Variants in SCFD2 observed in about 807,000 individuals in gnomAD.
The protein encoded by SCFD2 is sec1 family domain containing 2.
Under a neutral mutation model 58.9 loss-of-function variants are expected in SCFD2, and 54 were observed. The ratio of observed to expected loss-of-function variants is 0.92; its 90% CI spans 0.74 to 1.15. SCFD2 has a LOEUF of 1.15. Among genes scored for constraint, SCFD2 ranks in the 50% most tolerant of loss-of-function variants. The pLI is 0.00. For missense variants in SCFD2, 805 were observed against 836.6 expected, an observed-to-expected ratio of 0.96 and a Z score of 0.47; for synonymous variants, 321 against 335.9, an observed-to-expected ratio of 0.96 and a Z score of 0.49.
chr4:53,332,083 G>T (rs563857010), intron 2 of SCFD2, among the ~76,000 whole-genome samples: 7 of 152,086 alleles, frequency 4.6e-5, no homozygotes, highest in East Asian at 3.9e-4. Flanking sequence ...AATAACCGGA[G>T]CTGAAATTGT....
intron 7 of SCFD2, among the ~76,000 whole-genome samples, chr4:52,892,186 T>C (rs1231765023): frequency 6.6e-6 from 1 of 152,208 alleles, no homozygotes; most frequent in Admixed American, 6.5e-5. Context: ...CACTCCAAAC[T>C]AAGCAAATGG....
intron 5 of SCFD2, chr4:52,957,276 C>T (rs1720733963): frequency 6.6e-6 from 1 of 152,130 alleles, no homozygotes; most frequent in East Asian, 1.9e-4. Flanking sequence ...TGGGTGTGTG[C>T]TTCTATTTAA....
chr4:52,895,932 ATG>A lies in SCFD2; in HGVS notation c.1843-10068_1843-10067del, dbSNP rs749677304. Among the ~76,000 whole-genome samples the A allele has an allele frequency of 8.8e-4, 134 of 152,188 alleles. No homozygotes were observed. In the Middle Eastern group the frequency reaches 0.017, roughly 19 times the overall value. On this transcript the variant is annotated intron_variant, in intron 7 of 8. Coordinates refer to ENST00000401642, the MANE Select transcript of SCFD2 (RefSeq NM_152540.4). ...GGCCAGTGGTGATGAGCATTTTTTC[ATG>A]TGTTTTTTGGCTGCATAAATGTCTT... is the stretch of plus-strand genomic sequence containing the variant.
chr4:53,058,193 C>A (rs371194289), intron 5 of SCFD2, among the ~76,000 whole-genome samples: 132 of 151,998 alleles, frequency 8.7e-4, no homozygotes, highest in Middle Eastern at 6.8e-3. Context: ...TTATTATGTG[C>A]TACTATTATA....
intron 4 of SCFD2, among the ~76,000 whole-genome samples, chr4:53,208,475 A>G (rs4588514): frequency 0.54 from 82,068 of 152,026 alleles, 22,450 homozygotes; most frequent in Middle Eastern, 0.62. Context: ...CAATGTTATT[A>G]TAGTTTCTCC....
chr4:52,885,671 C>T, intron 8 of SCFD2, 76 bp downstream of exon 8: 1 of 1,561,154 alleles, frequency 6.4e-7, no homozygotes, highest in South Asian at 1.1e-5. Flanking sequence ...CACTGGGACC[C>T]ATAGGTGGAG....
intron 5 of SCFD2, among the ~76,000 whole-genome samples, chr4:53,085,417 C>T (rs111821892): frequency 1.8e-4 from 28 of 152,186 alleles, no homozygotes; most frequent in African/African-American, 6.3e-4. Flanking sequence ...ATTTCCTGTT[C>T]GTGGACTAGA....
In SCFD2 at chr4:52,897,789, CT is replaced by C. The variant is rs549894257; in HGVS notation, c.1842+9667del. 3.9e-5 allele frequency among the ~76,000 whole-genome samples: 6 copies of C among 152,216 alleles called. No homozygotes were observed. The East Asian group carries it at 1.2e-3, about 29-fold the overall frequency. ...AACTGCGAATCCATCTGGTCCTGGA[CT>C]TTTTTTGGTTGGTAAGCTATTAATT... On this transcript the variant is annotated intron_variant, in intron 7 of 8. Coordinates refer to ENST00000401642, the MANE Select transcript of SCFD2 (RefSeq NM_152540.4).
intron 5 of SCFD2, among the ~76,000 whole-genome samples, chr4:53,071,075 ACTCCCTC>A (rs1173817847): frequency 6.6e-6 from 1 of 151,818 alleles, no homozygotes; most frequent in Non-Finnish European, 1.5e-5. Flanking sequence ...GCCTTCTTTC[ACTCCCTC>A]CTCCACTTCA....
intron 5 of SCFD2, among the ~76,000 whole-genome samples, chr4:53,032,499 T>C (rs1377593305): frequency 6.6e-6 from 1 of 152,026 alleles, no homozygotes; most frequent in Non-Finnish European, 1.5e-5. Context: ...GACTAGCAAA[T>C]TGGATAAAGA....
intron 5 of SCFD2, among the ~76,000 whole-genome samples, chr4:52,923,189 A>G (rs1397295072): frequency 6.6e-6 from 1 of 152,152 alleles, no homozygotes; most frequent in African/African-American, 2.4e-5. Flanking sequence ...CCATGAAAAA[A>G]AATCAGGCTG....
At chr4:53,072,668 C>T (rs773535901) in intron 5 of SCFD2, among the ~76,000 whole-genome samples, 35 of 152,112 alleles carry the variant, frequency 2.3e-4, no homozygotes, top group Non-Finnish European at 5.1e-4. Context: ...ACACCTGGTC[C>T]AACCAATCTT....
intron 2 of SCFD2, among the ~76,000 whole-genome samples, chr4:53,332,952 T>C (rs1157809824): frequency 1.3e-5 from 2 of 151,156 alleles, no homozygotes; most frequent in African/African-American, 4.9e-5. Flanking sequence ...TATACACCAA[T>C]AACAGACAAA....
At chr4:53,062,942 C>T (rs545848247) in intron 5 of SCFD2, among the ~76,000 whole-genome samples, 7 of 152,068 alleles carry the variant, frequency 4.6e-5, no homozygotes, top group African/African-American at 1.7e-4. Context: ...AGGTGCACAG[C>T]GATACAAAAA....
rs188580261 is a variant in SCFD2 at position 52,873,713 on chromosome 4, C to T, written c.*256G>A. On this transcript the variant is annotated 3_prime_UTR_variant, in exon 9 of 9. Coordinates refer to ENST00000401642, the MANE Select transcript of SCFD2 (RefSeq NM_152540.4). ...ACAGAGGGTTAAGGATAAATGGAAA[C>T]GATCACTAATTGGACTCGCCAAAAG... is the stretch of plus-strand genomic sequence containing the variant. 4 of 294,492 alleles carry T rather than the reference C, an allele frequency of 1.4e-5. No individual in the cohort carries two copies. Among genetic ancestry groups the T allele is most frequent in the East Asian group, 1.3e-4 (2 of 15,808 alleles). The allele number at this position is 294,492 out of a possible 1,614,324, so 18.2% of individuals were successfully genotyped here. A position where few individuals can be genotyped will look rare whatever the true frequency, so the allele number is the denominator to read the frequency against.
chr4:53,207,713 C>T (rs1440297175), intron 4 of SCFD2, among the ~76,000 whole-genome samples: 3 of 100,640 alleles, frequency 3.0e-5, no homozygotes, highest in Non-Finnish European at 6.6e-5. Context: ...CCCTTTGGTA[C>T]TGTGAGTGAG....
chr4:53,077,254 G>A (rs6822251), intron 5 of SCFD2, among the ~76,000 whole-genome samples: 51,951 of 151,880 alleles, frequency 0.34, 10,254 homozygotes, highest in Non-Finnish European at 0.42. Context: ...AAGTGCTTGT[G>A]TTTTATGGGT....
chr4:53,024,920 A>G (rs192345096), intron 5 of SCFD2, among the ~76,000 whole-genome samples: 21 of 151,562 alleles, frequency 1.4e-4, no homozygotes, highest in Non-Finnish European at 2.8e-4. Flanking sequence ...ACCCCTCTTG[A>G]CTCCCCCTAG....
chr4:52,901,488 C>G (rs189705722), intron 7 of SCFD2, among the ~76,000 whole-genome samples: 18 of 152,260 alleles, frequency 1.2e-4, no homozygotes, highest in Non-Finnish European at 1.8e-4. Flanking sequence ...ATGCAGCTGC[C>G]ATATTGCAAG....
Sources: gnomAD v4.1 joint callset for allele counts (sites outside exome capture counted in the v4.1 genomes callset) on GRCh38, gnomAD v4.1.1 for gene constraint, MANE v1.5 for transcripts, NCBI Gene and HGNC (gene_info 2026-07-23, HGNC 2026-07-21) for gene names.